CACNA2D2: variants seen among roughly 807,000 people sequenced by gnomAD.
The protein encoded by CACNA2D2 is calcium voltage-gated channel auxiliary subunit alpha2delta 2.
Under a neutral mutation model 166.4 loss-of-function variants are expected in CACNA2D2, and 48 were observed. The observed-to-expected ratio is 0.29, with a 90% CI of 0.23 to 0.37. The LOEUF (loss-of-function observed/expected upper bound fraction) is 0.37. CACNA2D2 is among the 10% of genes least tolerant of loss of function. The pLI is 1.00. For synonymous variants in CACNA2D2, 561 were observed against 573.7 expected (o/e 0.98, Z 0.32); for missense variants, 1,122 against 1,433.0 (o/e 0.78, Z 3.50).
chr3:50,458,561 G>A (rs544021002), intron 2 of CACNA2D2, among the ~76,000 whole-genome samples: 141 of 152,302 alleles, frequency 9.3e-4, no homozygotes, highest in African/African-American at 2.4e-3. Context: ...AGGGCCCAGC[G>A]TAGATTTCAC....
At chr3:50,442,265 CGCCT>C (rs1431072140) in intron 2 of CACNA2D2, among the ~76,000 whole-genome samples, 1 of 152,172 alleles carries the variant, frequency 6.6e-6, no homozygotes, top group East Asian at 1.9e-4. Flanking sequence ...CCAGTGTCCC[CGCCT>C]GCCTATGCCA....
At chr3:50,436,568 A>G (rs1708360174) in intron 2 of CACNA2D2, among the ~76,000 whole-genome samples, 1 of 152,232 alleles carries the variant, frequency 6.6e-6, no homozygotes, top group Non-Finnish European at 1.5e-5. Context: ...AGACTCTGCC[A>G]AAAGTCACTC....
rs187875763 is a variant in CACNA2D2 at position 50,474,838 on chromosome 3, C to T, written c.288+1280G>A. Among the ~76,000 whole-genome samples the T allele has an allele frequency of 3.8e-4, 58 of 152,270 alleles. No individual in the cohort carries two copies. The East Asian group carries it at 5.4e-3, about 14-fold the overall frequency. On this transcript the variant is annotated intron_variant, in intron 2 of 37. Transcript: ENST00000424201. Reference sequence around the variant, plus strand: ...TCCTGTTCCGGAACAGCTTTTTCTACAGCACTTTCTCTGGAAAGCTCTGCT... The same window carrying T: ...TCCTGTTCCGGAACAGCTTTTTCTATAGCACTTTCTCTGGAAAGCTCTGCT...
chr3:50,435,666 G>A (rs1377889145), intron 2 of CACNA2D2, among the ~76,000 whole-genome samples: 1 of 151,914 alleles, frequency 6.6e-6, no homozygotes, highest in African/African-American at 2.4e-5. Context: ...GTTGGGTGCT[G>A]CTGGAGCCCC....
At chr3:50,410,905 T>C (rs1042529907) in intron 3 of CACNA2D2, among the ~76,000 whole-genome samples, 1 of 152,252 alleles carries the variant, frequency 6.6e-6, no homozygotes, top group African/African-American at 2.4e-5. Context: ...CATAAACACA[T>C]GTGCACATGT....
At chr3:50,429,003 G>C (rs753226363) in intron 3 of CACNA2D2, among the ~76,000 whole-genome samples, 4 of 152,158 alleles carry the variant, frequency 2.6e-5, no homozygotes, top group Admixed American at 2.6e-4. Flanking sequence ...GCCGAGGCGC[G>C]CAGGTTGCCT....
chr3:50,449,689 C>T (rs1709013827), intron 2 of CACNA2D2, among the ~76,000 whole-genome samples: 1 of 152,196 alleles, frequency 6.6e-6, no homozygotes, highest in Admixed American at 6.5e-5. Context: ...GGTCTTAAAG[C>T]GTGGCCCTGT....
chr3:50,439,360 C>A (rs1188709153), intron 2 of CACNA2D2, among the ~76,000 whole-genome samples: 3 of 152,240 alleles, frequency 2.0e-5, no homozygotes, highest in Admixed American at 2.0e-4. Context: ...CTCCTCTCCG[C>A]AGCGAAGGTG....
In CACNA2D2 at chr3:50,380,208, G is replaced by A. The variant is rs1471594580; in HGVS notation, c.843-190C>T. ...TCCTTGCCCATGACATGAATGGTCT[G>A]GTTCCTCAGCAAGGAAAAAGTACCA... On this transcript the variant is annotated intron_variant, in intron 8 of 37. Transcript: ENST00000424201. The surrounding 1 kb of genome is among the most constrained non-coding windows in gnomAD (Gnocchi z 4.9). 6.6e-6 allele frequency among the ~76,000 whole-genome samples: 1 copy of A among 152,228 alleles called. No homozygotes were observed. The highest frequency in any genetic ancestry group is 1.5e-5 in the Non-Finnish European group (1 of 68,042).
Position 50,366,618 on chromosome 3 carries a change from G to C in CACNA2D2, c.2597C>G (p.Pro866Arg), listed in dbSNP as rs745388407. Reference protein sequence around the residue: ...THQDQPQKCGPNSHCEMDCEV... With the variant: ...THQDQPQKCGRNSHCEMDCEV... ...GCAGTCCATCTCACAGTGGCTGTTG[G>C]GGCCGCACTGCTGGGCAGAGAGTGA... Residue 866 changes from proline (P) to arginine (R), a missense_variant, in exon 30 of 38, where the codon CCC becomes CGC. Transcript: ENST00000424201. The surrounding 1 kb of genome is among the most constrained non-coding windows in gnomAD (Gnocchi z 5.9). 1 of 1,613,898 alleles carries C rather than the reference G, an allele frequency of 6.2e-7. No homozygotes were observed. Among genetic ancestry groups the C allele is most frequent in the South Asian group, 1.1e-5 (1 of 91,084 alleles).
chr3:50,396,884 G>A (rs993759286), intron 3 of CACNA2D2, among the ~76,000 whole-genome samples: 3 of 152,182 alleles, frequency 2.0e-5, no homozygotes, highest in South Asian at 2.1e-4. Context: ...AAGCAGAGGC[G>A]GTCTCTTGCC....
intron 2 of CACNA2D2, among the ~76,000 whole-genome samples, chr3:50,471,904 T>A (rs755602641): frequency 9.2e-5 from 14 of 152,214 alleles, no homozygotes; most frequent in Non-Finnish European, 1.5e-4. Flanking sequence ...TGTGCCGCTG[T>A]CACTGGTTGG....
chr3:50,496,844 G>C (rs977547479), intron 1 of CACNA2D2, among the ~76,000 whole-genome samples: 4 of 152,206 alleles, frequency 2.6e-5, no homozygotes, highest in Non-Finnish European at 4.4e-5. Flanking sequence ...GAAAGAACTA[G>C]CCATCAGGGA....
chr3:50,410,835 G>A (rs1706976433), intron 3 of CACNA2D2, among the ~76,000 whole-genome samples: 1 of 152,246 alleles, frequency 6.6e-6, no homozygotes, highest in African/African-American at 2.4e-5. Flanking sequence ...GAGGTCAACA[G>A]CTTTGAAATC....
intron 6 of CACNA2D2, 117 bp from the exon 7 acceptor site, chr3:50,381,243 T>C: frequency 1.7e-6 from 2 of 1,206,320 alleles, no homozygotes; most frequent in Non-Finnish European, 2.4e-6. Flanking sequence ...TCTCGGCCTA[T>C]CCAGGCCCTC....
At chr3:50,454,070 T>C (rs777483684) in intron 2 of CACNA2D2, among the ~76,000 whole-genome samples, 3 of 152,156 alleles carry the variant, frequency 2.0e-5, no homozygotes, top group African/African-American at 2.4e-5. Flanking sequence ...GGGCAAATAA[T>C]AGCTTTTGCT....
intron 1 of CACNA2D2, among the ~76,000 whole-genome samples, chr3:50,492,398 G>C (rs144397392): frequency 3.9e-5 from 6 of 152,358 alleles, no homozygotes; most frequent in Non-Finnish European, 7.3e-5. Flanking sequence ...GCCTCTGACT[G>C]ACCAAACCTC....
intron 1 of CACNA2D2, among the ~76,000 whole-genome samples, chr3:50,491,666 T>C (rs894401445): frequency 3.3e-5 from 5 of 152,136 alleles, no homozygotes; most frequent in Non-Finnish European, 1.5e-5. Flanking sequence ...AGTTCCAGCA[T>C]GTGACTGGGA....
chr3:50,447,249 T>C (rs1708888765), intron 2 of CACNA2D2, among the ~76,000 whole-genome samples: 1 of 152,160 alleles, frequency 6.6e-6, no homozygotes, highest in Non-Finnish European at 1.5e-5. Context: ...GTCTGGAGGC[T>C]ACAGGCTGGA....
Sources: gnomAD v4.1 joint callset for allele counts (sites outside exome capture counted in the v4.1 genomes callset) on GRCh38, gnomAD v4.1.1 for gene constraint, Gnocchi (gnomAD v3.1) non-coding constraint, MANE v1.5 for transcripts, NCBI Gene and HGNC (gene_info 2026-07-23, HGNC 2026-07-21) for gene names.